The following L3MBTL1 variants were observed in gnomAD, a reference collection of about 807,000 sequenced individuals.
L3MBTL1 encodes lethal(3)malignant brain tumor-like protein 1.
L3MBTL1 carries 75 observed loss-of-function variants against 105.3 expected under a neutral mutation model. That is an observed-to-expected ratio of 0.71 (90% confidence interval 0.59 to 0.86). The LOEUF is 0.86. L3MBTL1 is among the 40% of genes least tolerant of loss of function. The probability of loss-of-function intolerance (pLI) is 0.00; values close to 1 mark genes in which losing one functional copy is unlikely to be tolerated. For synonymous variants in L3MBTL1, 452 were observed against 436.2 expected, an observed-to-expected ratio of 1.04 and a Z score of -0.45; for missense variants, 1,069 against 1,126.4, an observed-to-expected ratio of 0.95 and a Z score of 0.73.
Position 43,515,760 on chromosome 20 carries a change from C to T in L3MBTL1, c.778-333C>T, listed in dbSNP as rs76578981. ...GGCCAGGGAACACCCAGGGCTCTAG[C>T]TGCAGAAGCTGGAAGGGACAGAGCA... On this transcript the variant is annotated intron_variant, in intron 6 of 21. Transcript: ENST00000418998. 1.9e-3 allele frequency among the ~76,000 whole-genome samples: 289 copies of T among 152,350 alleles called. 3 individuals carry two copies. Among genetic ancestry groups the T allele is most frequent in the East Asian group, 9.6e-3 (50 of 5,188 alleles).
In L3MBTL1 at chr20:43,513,970, T is replaced by C. The variant is rs537108821; in HGVS notation, c.269T>C (p.Leu90Pro). 2.0e-5 allele frequency: 31 copies of C among 1,548,076 alleles called. No homozygotes were observed. The African/African-American group carries it at 4.0e-4, about 20-fold the overall frequency. Reference protein sequence around the residue: ...EPVSATVLPQLSAGPASSSTS... With the variant: ...EPVSATVLPQPSAGPASSSTS... ...GTTTCTGCCACCGTCCTGCCGCAGC[T>C]TAGCGCCGGGCCGGCCAGCTCCAGC... The change falls in exon 3 of 22, where the codon CTT becomes CCT. Residue 90 changes from leucine (L) to proline (P), a missense_variant. Leu to Pro is a moderately conservative substitution (Grantham distance 98). Transcript: ENST00000418998.
chr20:43,543,197 A>G (rs1978339362), downstream of L3MBTL1, among the ~76,000 whole-genome samples: 1 of 151,592 alleles, frequency 6.6e-6, no homozygotes, highest in African/African-American at 2.4e-5. Context: ...TTAAATCTTG[A>G]TTCTGTCATC....
downstream of L3MBTL1, among the ~76,000 whole-genome samples, chr20:43,543,085 A>G (rs918837871): frequency 3.3e-5 from 5 of 150,236 alleles, no homozygotes; most frequent in Admixed American, 2.7e-4. Flanking sequence ...CAAATTTTCC[A>G]GTGAGTACTT....
chr20:43,514,537 G>C, intron 3 of L3MBTL1, 98 bp from the exon 4 acceptor site: 1 of 1,579,888 alleles, frequency 6.3e-7, no homozygotes, highest in Non-Finnish European at 8.6e-7. Flanking sequence ...CTGAGGGCGT[G>C]AGCTGGCATG....
intron 3 of L3MBTL1, 38 bp downstream of exon 3, chr20:43,514,099 G>T (rs559668018): frequency 2.6e-5 from 39 of 1,492,612 alleles, no homozygotes; most frequent in Non-Finnish European, 3.3e-5. Flanking sequence ...CTCGTAAACC[G>T]CAGCCATGGG....
intron 12 of L3MBTL1, 95 bp downstream of exon 12, chr20:43,533,019 C>T: frequency 8.2e-7 from 1 of 1,219,686 alleles, no homozygotes; most frequent in Non-Finnish European, 1.2e-6. Context: ...CCACTCAGTC[C>T]AGTTCTGACA....
chr20:43,521,745 G>A (rs2018715899), intron 7 of L3MBTL1, among the ~76,000 whole-genome samples: 1 of 152,050 alleles, frequency 6.6e-6, no homozygotes, highest in Non-Finnish European at 1.5e-5. Context: ...TAGAGACAGG[G>A]TCTTACTGTG....
At chr20:43,532,672 C>T (rs2019400798) in intron 11 of L3MBTL1, 101 bp from the exon 12 acceptor site, 1 of 1,298,724 alleles carries the variant, frequency 7.7e-7, no homozygotes, top group Non-Finnish European at 1.1e-6. Flanking sequence ...TGCCCACACC[C>T]CAGGCTTTCC....
chr20:43,507,799 A>G (rs920067578), intron 1 of L3MBTL1, 55 bp downstream of exon 1: 1 of 151,644 alleles, frequency 6.6e-6, no homozygotes. Context: ...GCGCCGCGCC[A>G]CCCCGCTCCG....
At chr20:43,545,107 G>T (rs2145504495), downstream of L3MBTL1, among the ~76,000 whole-genome samples, 1 of 152,016 alleles carries the variant, frequency 6.6e-6, no homozygotes, top group East Asian at 1.9e-4. Flanking sequence ...CATCAAGAAG[G>T]AGCCCCAGAG....
chr20:43,514,816 G>T, intron 4 of L3MBTL1, 40 bp downstream of exon 4: 4 of 1,508,414 alleles, frequency 2.7e-6, no homozygotes, highest in Non-Finnish European at 3.6e-6. Flanking sequence ...TGGGCCCTGT[G>T]CGGGTGGGGC....
intron 6 of L3MBTL1, chr20:43,515,800 C>A: frequency 2.2e-6 from 1 of 463,136 alleles, no homozygotes; most frequent in East Asian, 3.9e-5. Context: ...TTCTACTGGG[C>A]GTGTAAGAGC....
In L3MBTL1 at chr20:43,515,069, C is replaced by T. The variant is rs762738164; in HGVS notation, c.563C>T (p.Thr188Ile). 3.1e-6 allele frequency: 5 copies of T among 1,614,034 alleles called. No homozygotes were observed. Among genetic ancestry groups the T allele is most frequent in the Middle Eastern group, 1.6e-4 (1 of 6,082 alleles). ...PNQDPPEDDS[T>I]CQCQACGPHQ... ...CAGGACCCCCCAGAGGATGATAGCA[C>T]CTGTCAGTGCCAGGCGTGCGGGCCT... The change falls in exon 5 of 22, where the codon ACC (threonine) becomes ATC (isoleucine). Residue 188 changes from threonine to isoleucine, a missense_variant. Coordinates refer to ENST00000418998, the MANE Select transcript of L3MBTL1 (RefSeq NM_001377303.1).
chr20:43,548,369 T>A, exon 19 of L3MBTL1: 1 of 928,392 alleles, frequency 1.1e-6, no homozygotes, highest in South Asian at 1.6e-5. Context: ...CTGACCAGGC[T>A]GGTCCTTCTT....
chr20:43,536,566 G>C, intron 19 of L3MBTL1, 108 bp downstream of exon 19: 1 of 1,314,028 alleles, frequency 7.6e-7, no homozygotes, highest in Non-Finnish European at 1.1e-6. Context: ...GAAGCTAGAA[G>C]GAGGGCTGTG....
In L3MBTL1 at chr20:43,515,130, T is replaced by C; in HGVS notation, c.624T>C (p.Asn208=). 1 of 1,614,160 alleles carries C rather than the reference T, an allele frequency of 6.2e-7. No homozygotes were observed. The highest frequency in any genetic ancestry group is 1.7e-5 in the Admixed American group (1 of 60,024). Residue 208 remains asparagine, a synonymous_variant, in exon 5 of 22, where the codon AAT becomes AAC. Transcript: ENST00000418998. ...CGGGTCCAGATCTTGGTTCCTCTAA[T>C]GATGGCTGCCCTCAGCTGTTCCAGG... ...QAAGPDLGSS[N]DGCPQLFQER... is the part of the protein sequence containing the mutation.
At chr20:43,519,674 A>G (rs2018605139) in intron 7 of L3MBTL1, among the ~76,000 whole-genome samples, 1 of 152,206 alleles carries the variant, frequency 6.6e-6, no homozygotes. Flanking sequence ...TGTATTGCCC[A>G]GGCTGGAGTA....
intron 19 of L3MBTL1, 26 bp downstream of exon 19, chr20:43,536,484 G>A (rs1418784541): frequency 6.2e-7 from 1 of 1,612,478 alleles, no homozygotes; most frequent in Non-Finnish European, 8.5e-7. Context: ...CTGCTCCTAT[G>A]TCCTCCACCA....
Position 43,535,889 on chromosome 20 carries a change from T to C in L3MBTL1, c.1878T>C (p.Tyr626=). 2 of 1,613,364 alleles carry C rather than the reference T, an allele frequency of 1.2e-6. No homozygotes were observed. Among genetic ancestry groups the C allele is most frequent in the Non-Finnish European group, 1.7e-6 (2 of 1,179,700 alleles). Residue 626 remains tyrosine (Y), a synonymous_variant, in exon 17 of 22, where the codon TAT becomes TAC. Coordinates refer to ENST00000418998, the MANE Select transcript of L3MBTL1 (RefSeq NM_001377303.1). ...CTGGGGGCTGTCCCCCTCTCAGCTA[T>C]AGGAGCCTGCCCCACACTAGGACCT... is the stretch of plus-strand genomic sequence containing the variant. The part of the protein sequence containing the change: ...ASPGGCPPLS[Y]RSLPHTRTSK...
Sources: allele counts gnomAD v4.1 joint callset (sites outside exome capture counted in the v4.1 genomes callset), GRCh38; gene constraint gnomAD v4.1.1; transcripts MANE v1.5; gene names NCBI Gene and HGNC (gene_info 2026-07-23, HGNC 2026-07-21).